Variants in C12orf50 observed in about 807,000 individuals in gnomAD.
C12orf50 encodes uncharacterized protein C12orf50.
In C12orf50, 35 loss-of-function variants were observed where a neutral mutation model predicts 61.6. That is an observed-to-expected ratio of 0.57 (90% CI 0.43 to 0.75). The LOEUF (loss-of-function observed/expected upper bound fraction) is 0.75, where lower values mean the gene tolerates loss of function less well. C12orf50 is among the 30% of genes least tolerant of loss of function. The pLI, the probability that C12orf50 is intolerant of heterozygous loss-of-function variation, is 0.00. For synonymous variants in C12orf50, 178 were observed against 161.5 expected (o/e 1.10, Z -0.77); for missense variants, 475 against 488.5 (o/e 0.97, Z 0.26).
chr12:88,005,911 G>GTTTT (rs1491516748), intron 3 of C12orf50, among the ~76,000 whole-genome samples: 4 of 110,030 alleles, frequency 3.6e-5, no homozygotes, highest in African/African-American at 1.6e-4. Flanking sequence ...TTGTTTTTTT[G>GTTTT]GTTTTTTTTT....
chr12:87,981,171 T>C (rs2030449882), intron 12 of C12orf50, among the ~76,000 whole-genome samples: 1 of 152,228 alleles, frequency 6.6e-6, no homozygotes, highest in African/African-American at 2.4e-5. Context: ...ATCTCACTTT[T>C]ACATTTCAGT....
intron 3 of C12orf50, among the ~76,000 whole-genome samples, chr12:88,023,467 G>A (rs546189389): frequency 4.0e-5 from 6 of 150,460 alleles, no homozygotes; most frequent in African/African-American, 9.8e-5. Flanking sequence ...AGATTGTACC[G>A]TCCTGGCCAA....
intron 3 of C12orf50, among the ~76,000 whole-genome samples, chr12:88,017,675 C>T (rs2032362109): frequency 6.6e-6 from 1 of 152,158 alleles, no homozygotes; most frequent in Admixed American, 6.5e-5. Flanking sequence ...TGTTGAATGG[C>T]TTTGACCAAA....
chr12:88,013,481 A>T (rs1401369896), intron 3 of C12orf50, among the ~76,000 whole-genome samples: 1 of 152,238 alleles, frequency 6.6e-6, no homozygotes, highest in Non-Finnish European at 1.5e-5. Context: ...TACATATGAT[A>T]GTCATGTGCA....
rs780568947 is a variant in C12orf50 at position 87,986,321 on chromosome 12, T to C, written c.913A>G (p.Met305Val). The C allele has an allele frequency of 1.9e-6, 3 of 1,596,276 alleles. No individual in the cohort carries two copies. In the South Asian group the frequency reaches 3.4e-5, roughly 18 times the overall value. The change falls in exon 10 of 13, where the codon ATG (methionine) becomes GTG (valine). Residue 305 changes from methionine (M) to valine (V), a missense_variant. By Grantham distance (21) the Met-to-Val change is conservative. Transcript: ENST00000298699. ...DEPQNFPNSG[M>V]QRAVQAPRPQ... is the part of the protein sequence containing the mutation. ...TATATAGACACCTTACCTCTCTGCA[T>C]TCCAGAGTTAGGAAAGTTCTGTGGT... is the stretch of plus-strand genomic sequence containing the variant.
At chr12:88,021,037 G>T (rs2032497444) in intron 3 of C12orf50, among the ~76,000 whole-genome samples, 1 of 152,138 alleles carries the variant, frequency 6.6e-6, no homozygotes, top group African/African-American at 2.4e-5. Context: ...AGCTAACTCA[G>T]TATTAAGAGG....
intron 3 of C12orf50, among the ~76,000 whole-genome samples, chr12:88,018,170 T>C (rs997111424): frequency 2.0e-5 from 3 of 152,192 alleles, no homozygotes; most frequent in South Asian, 2.1e-4. Flanking sequence ...ACAAAATGGT[T>C]TCATGGGCTA....
chr12:87,982,788 C>T (rs1483449393), intron 12 of C12orf50, among the ~76,000 whole-genome samples: 9 of 149,212 alleles, frequency 6.0e-5, no homozygotes, highest in African/African-American at 2.0e-4. Context: ...ACATTTGCTT[C>T]GCAGCACAGC....
chr12:88,029,177 ATTT>A, intron 1 of C12orf50, 160 bp downstream of exon 1: 4 of 1,068,166 alleles, frequency 3.7e-6, no homozygotes, highest in Non-Finnish European at 5.0e-6. Flanking sequence ...ATATATATGA[ATTT>A]CAGGAATGCA....
intron 3 of C12orf50, among the ~76,000 whole-genome samples, chr12:88,015,417 A>G (rs4429143): frequency 0.48 from 72,304 of 152,120 alleles, 20,930 homozygotes; most frequent in East Asian, 0.68. Context: ...TGTCCAAGGC[A>G]TCACTGGACA....
intron 3 of C12orf50, among the ~76,000 whole-genome samples, chr12:88,020,206 A>T (rs1209210691): frequency 1.3e-5 from 2 of 152,224 alleles, no homozygotes; most frequent in Admixed American, 1.3e-4. Flanking sequence ...CCTTGAATGT[A>T]AAGGAGCTAA....
intron 6 of C12orf50, among the ~76,000 whole-genome samples, 174 bp downstream of exon 6, chr12:87,996,200 C>T (rs2031379022): frequency 6.6e-6 from 1 of 152,186 alleles, no homozygotes; most frequent in Non-Finnish European, 1.5e-5. Flanking sequence ...TCTAGGATAA[C>T]ATAATCCCAT....
upstream of C12orf50, chr12:88,029,415 T>C (rs1047495396): frequency 5.9e-5 from 10 of 169,328 alleles, no homozygotes; most frequent in African/African-American, 2.4e-4. Flanking sequence ...ATTTTCCTCA[T>C]TGTTACCTAA....
At chr12:88,020,825 C>T (rs1406783449) in intron 3 of C12orf50, among the ~76,000 whole-genome samples, 1 of 151,404 alleles carries the variant, frequency 6.6e-6, no homozygotes, top group African/African-American at 2.4e-5. Context: ...AAAAATACAT[C>T]ATACCAACCA....
chr12:87,994,364 ACACACACACACACATACATG>A (rs961802265), intron 7 of C12orf50, among the ~76,000 whole-genome samples: 27 of 144,014 alleles, frequency 1.9e-4, no homozygotes, highest in Admixed American at 6.8e-5. Flanking sequence ...ACACACAGAC[ACACACACACACACATACATG>A]CACACACACA....
In C12orf50 at chr12:87,985,810, AC is replaced by A. The variant is rs765446792; in HGVS notation, c.1126+39del. On this transcript the variant is annotated intron_variant, in intron 11 of 12. Coordinates refer to ENST00000298699, the MANE Select transcript of C12orf50 (RefSeq NM_152589.3). ...GTCAAGAAATTCCATGGGAATGCAA[AC>A]CACAGACAAGAGTAAACCACATCAA... 4.4e-6 allele frequency: 7 copies of A among 1,599,690 alleles called. No homozygotes were observed. In the South Asian group the frequency reaches 7.7e-5, roughly 18 times the overall value.
At chr12:88,014,559 A>G (rs1192243434) in intron 3 of C12orf50, among the ~76,000 whole-genome samples, 1 of 152,100 alleles carries the variant, frequency 6.6e-6, no homozygotes, top group Admixed American at 6.6e-5. Flanking sequence ...TCGGCCTCCC[A>G]AAGTGCTGGG....
At chr12:87,998,616 G>A (rs1440890851) in intron 3 of C12orf50, among the ~76,000 whole-genome samples, 1 of 152,038 alleles carries the variant, frequency 6.6e-6, no homozygotes, top group Non-Finnish European at 1.5e-5. Context: ...TTAATCTATA[G>A]GTATGATACA....
At chr12:87,987,756 T>C (rs1365620216) in intron 9 of C12orf50, 94 bp downstream of exon 9, 2 of 839,232 alleles carry the variant, frequency 2.4e-6, no homozygotes, top group Non-Finnish European at 3.8e-6. Flanking sequence ...ACCTTTTTTC[T>C]TTCTTTTTTA....
Sources: gnomAD v4.1 joint callset for allele counts (sites outside exome capture counted in the v4.1 genomes callset) on GRCh38, gnomAD v4.1.1 for gene constraint, MANE v1.5 for transcripts, NCBI Gene and HGNC (gene_info 2026-07-23, HGNC 2026-07-21) for gene names.